Variants in GRID2 observed in about 807,000 individuals in gnomAD.
The protein encoded by GRID2 is glutamate ionotropic receptor delta type subunit 2, also known as glutamate receptor ionotropic, delta-2.
In GRID2, 33 loss-of-function variants were observed where a neutral mutation model predicts 114.8. The ratio of observed to expected loss-of-function variants is 0.29; its 90% CI spans 0.22 to 0.38. The LOEUF is 0.38. GRID2 is among the 10% of genes least tolerant of loss of function. The pLI, the probability that GRID2 is intolerant of heterozygous loss-of-function variation, is 1.00. For synonymous variants in GRID2, 505 were observed against 449.9 expected, an observed-to-expected ratio of 1.12 and a Z score of -1.55; for missense variants, 1,184 against 1,257.7, an observed-to-expected ratio of 0.94 and a Z score of 0.89.
At chr4:93,621,230 A>G (rs1262274238) in intron 13 of GRID2, among the ~76,000 whole-genome samples, 2 of 152,202 alleles carry the variant, frequency 1.3e-5, no homozygotes, top group African/African-American at 2.4e-5. Flanking sequence ...CGGGGAGTCT[A>G]TTGATATCTC....
intron 13 of GRID2, among the ~76,000 whole-genome samples, chr4:93,594,825 G>A (rs1370446644): frequency 1.3e-5 from 2 of 152,012 alleles, no homozygotes; most frequent in East Asian, 1.9e-4. Context: ...TCCAGGTGCC[G>A]TCCATCACCC....
chr4:93,109,138 C>G lies in GRID2; in HGVS notation c.530-1610C>G, dbSNP rs549860559. On this transcript the variant is annotated intron_variant, in intron 3 of 15. Coordinates refer to ENST00000282020, the MANE Select transcript of GRID2 (RefSeq NM_001510.4). The stretch of plus-strand genomic sequence containing the variant: ...TAATTCATGGTTCAGAGTCTTACAC[C>G]TTTATGTACATTCTGACTTGGATAT... 2.3e-4 allele frequency among the ~76,000 whole-genome samples: 35 copies of G among 152,300 alleles called. 1 individual carries two copies. The South Asian group carries it at 7.0e-3, about 31-fold the overall frequency.
chr4:92,438,065 G>A (rs1157379240), intron 1 of GRID2, among the ~76,000 whole-genome samples: 1 of 152,198 alleles, frequency 6.6e-6, no homozygotes, highest in Non-Finnish European at 1.5e-5. Context: ...AGTATTTAAG[G>A]CTGTTAAGTA....
Position 92,847,450 on chromosome 4 carries a change from A to G in GRID2, c.245-237545A>G, listed in dbSNP as rs571728568. Among the ~76,000 whole-genome samples the G allele has an allele frequency of 2.6e-5, 4 of 152,150 alleles. No individual in the cohort carries two copies. The South Asian group carries it at 6.2e-4, about 24-fold the overall frequency. On this transcript the variant is annotated intron_variant, in intron 2 of 15. Transcript: ENST00000282020. The stretch of plus-strand genomic sequence containing the variant: ...GTTATATCTCGCTGGCCTCTCTATC[A>G]CTGTCTTTCTCTTCCTTTCCTGCTC...
At chr4:92,763,770 C>T (rs1275904818) in intron 2 of GRID2, among the ~76,000 whole-genome samples, 3 of 152,010 alleles carry the variant, frequency 2.0e-5, no homozygotes, top group Non-Finnish European at 4.4e-5. Flanking sequence ...CAAGAGAACA[C>T]AGTGAAAGAG....
chr4:92,930,943 G>A (rs932209023), intron 2 of GRID2, among the ~76,000 whole-genome samples: 9 of 150,864 alleles, frequency 6.0e-5, no homozygotes, highest in Non-Finnish European at 4.5e-5. Flanking sequence ...AGCATTTGGG[G>A]AAAAAACGAA....
intron 13 of GRID2, among the ~76,000 whole-genome samples, chr4:93,620,099 G>A (rs1018415680): frequency 1.4e-4 from 22 of 152,302 alleles, no homozygotes; most frequent in African/African-American, 4.8e-4. Context: ...CCTATCAGCT[G>A]TCTCACAGTG....
intron 8 of GRID2, among the ~76,000 whole-genome samples, chr4:93,341,601 G>A (rs534345344): frequency 6.6e-5 from 10 of 152,292 alleles, no homozygotes; most frequent in Admixed American, 2.0e-4. Flanking sequence ...TAGGATTATA[G>A]GCGTGAGCCA....
intron 2 of GRID2, among the ~76,000 whole-genome samples, chr4:92,711,301 G>A (rs1454629759): frequency 6.6e-6 from 1 of 152,122 alleles, no homozygotes; most frequent in Non-Finnish European, 1.5e-5. Flanking sequence ...GTTTTAACTG[G>A]GTCCTCTCCC....
intron 2 of GRID2, among the ~76,000 whole-genome samples, chr4:92,598,841 G>T (rs1244894151): frequency 6.6e-6 from 1 of 151,948 alleles, no homozygotes; most frequent in African/African-American, 2.4e-5. Flanking sequence ...CCCTCAGTAA[G>T]TTTTCACCCG....
At chr4:93,130,250 G>A (rs1297726487) in intron 4 of GRID2, among the ~76,000 whole-genome samples, 2 of 152,034 alleles carry the variant, frequency 1.3e-5, no homozygotes, top group African/African-American at 4.8e-5. Context: ...GACCAGCCTG[G>A]GCAACATGAT....
chr4:92,970,800 T>C (rs903788930), intron 2 of GRID2, among the ~76,000 whole-genome samples: 1 of 151,996 alleles, frequency 6.6e-6, no homozygotes, highest in Non-Finnish European at 1.5e-5. Context: ...GAATCGTTGG[T>C]AATATGAAAA....
chr4:93,227,176 C>G (rs1042029482), intron 7 of GRID2, among the ~76,000 whole-genome samples: 1 of 152,020 alleles, frequency 6.6e-6, no homozygotes, highest in African/African-American at 2.4e-5. Context: ...TCCTTTGTAG[C>G]CATGTTAATA....
intron 2 of GRID2, among the ~76,000 whole-genome samples, chr4:92,663,026 C>T (rs1732593935): frequency 6.6e-6 from 1 of 150,868 alleles, no homozygotes; most frequent in Admixed American, 6.6e-5. Context: ...ATATATTTAT[C>T]AGTCAAACAC....
At chr4:93,554,198 A>T (rs1734072796) in intron 13 of GRID2, among the ~76,000 whole-genome samples, 1 of 152,148 alleles carries the variant, frequency 6.6e-6, no homozygotes. Flanking sequence ...TTGGAACTTT[A>T]CCCAATTACT....
chr4:93,389,970 G>C (rs1261466864), intron 8 of GRID2, among the ~76,000 whole-genome samples: 2 of 152,038 alleles, frequency 1.3e-5, no homozygotes, highest in Non-Finnish European at 2.9e-5. Flanking sequence ...TGTATTTTTA[G>C]TAGAGACGGG....
chr4:93,344,700 A>T (rs1407475067), intron 8 of GRID2, among the ~76,000 whole-genome samples: 1 of 150,318 alleles, frequency 6.7e-6, no homozygotes, highest in Admixed American at 6.7e-5. Context: ...TAGTCATATT[A>T]TACAGTAGAT....
intron 14 of GRID2, among the ~76,000 whole-genome samples, chr4:93,709,878 TC>T: frequency 6.6e-6 from 1 of 152,344 alleles, no homozygotes; most frequent in East Asian, 1.9e-4. Context: ...TGTCAGTATG[TC>T]AGTTGCATTT....
intron 2 of GRID2, among the ~76,000 whole-genome samples, chr4:92,952,901 G>A (rs961796461): frequency 6.6e-6 from 1 of 152,128 alleles, no homozygotes; most frequent in African/African-American, 2.4e-5. Flanking sequence ...GAAAAATCAC[G>A]GAGTCAGCAG....
Sources: allele counts gnomAD v4.1 joint callset (sites outside exome capture counted in the v4.1 genomes callset), GRCh38; gene constraint gnomAD v4.1.1; transcripts MANE v1.5; gene names NCBI Gene and HGNC (gene_info 2026-07-23, HGNC 2026-07-21).